Variants in RYR2 observed in about 807,000 individuals in gnomAD.
RYR2 encodes the protein cardiac muscle ryanodine receptor-calcium release channel.
A neutral mutation model predicts 601.1 loss-of-function variants in RYR2; 227 were observed. The observed-to-expected ratio is 0.38, with a 90% CI of 0.34 to 0.42. The LOEUF (loss-of-function observed/expected upper bound fraction) is 0.42. Among genes scored for constraint, RYR2 ranks in the 10% least tolerant of loss-of-function variants. RYR2 has a pLI of 1.00. For synonymous variants in RYR2, 2,223 were observed against 2,175.1 expected (o/e 1.02, Z -0.61); for missense variants, 4,646 against 6,156.5 (o/e 0.75, Z 8.21).
At chr1:237,472,502 A>C (rs1259584948) in intron 17 of RYR2, among the ~76,000 whole-genome samples, 1 of 152,224 alleles carries the variant, frequency 6.6e-6, no homozygotes, top group Non-Finnish European at 1.5e-5. Flanking sequence ...ATTGCCTTAA[A>C]AAACAACATT....
intron 9 of RYR2, 67 bp from the exon 10 acceptor site, chr1:237,388,020 A>G: frequency 1.4e-6 from 2 of 1,393,332 alleles, no homozygotes; most frequent in South Asian, 1.2e-5. Context: ...ATTGGACCAG[A>G]TGATCTGTCT....
At chr1:237,136,404 G>A (rs1320327472) in intron 1 of RYR2, among the ~76,000 whole-genome samples, 1 of 152,156 alleles carries the variant, frequency 6.6e-6, no homozygotes, top group African/African-American at 2.4e-5. Flanking sequence ...AGGTATGCAT[G>A]CTATGCAGGG....
intron 28 of RYR2, among the ~76,000 whole-genome samples, chr1:237,567,978 G>T (rs1405717109): frequency 1.4e-5 from 2 of 146,538 alleles, no homozygotes; most frequent in Admixed American, 1.4e-4. Context: ...GGGTTGGGGG[G>T]CGGTCAAAAT....
At chr1:237,705,145 A>C in intron 66 of RYR2, 68 bp from the exon 67 acceptor site, 1 of 1,387,026 alleles carries the variant, frequency 7.2e-7, no homozygotes, top group Non-Finnish European at 1.0e-6. Context: ...TAAATTTGCT[A>C]ATTGTAATAT....
chr1:237,309,159 CAG>C (rs1009514800), intron 2 of RYR2, among the ~76,000 whole-genome samples: 1 of 147,422 alleles, frequency 6.8e-6, no homozygotes, highest in African/African-American at 2.5e-5. Flanking sequence ...TAGCTAGACA[CAG>C]AGCACTGATT....
intron 1 of RYR2, among the ~76,000 whole-genome samples, chr1:237,053,217 TC>T: frequency 6.6e-6 from 1 of 152,322 alleles, no homozygotes; most frequent in East Asian, 1.9e-4. Context: ...ATGACATGTT[TC>T]CAAGGCCAAT....
intron 1 of RYR2, among the ~76,000 whole-genome samples, chr1:237,190,843 A>G (rs1477527402): frequency 6.6e-6 from 1 of 152,152 alleles, no homozygotes; most frequent in Non-Finnish European, 1.5e-5. Context: ...AGATTTGCAA[A>G]TATTTTCCCC....
intron 25 of RYR2, among the ~76,000 whole-genome samples, chr1:237,534,837 AT>A (rs1668442130): frequency 6.6e-6 from 1 of 151,820 alleles, no homozygotes. Flanking sequence ...CATTTATTTT[AT>A]TTTTTAGGTT....
intron 1 of RYR2, among the ~76,000 whole-genome samples, chr1:237,214,710 G>T (rs1682974669): frequency 6.6e-6 from 1 of 152,080 alleles, no homozygotes; most frequent in African/African-American, 2.4e-5. Context: ...CATAACTTTA[G>T]ATTTCATTTT....
intron 24 of RYR2, among the ~76,000 whole-genome samples, chr1:237,517,773 A>G (rs1013463498): frequency 3.3e-5 from 5 of 152,182 alleles, no homozygotes; most frequent in South Asian, 2.1e-4. Context: ...ATAACAATTG[A>G]TAAACCTACA....
chr1:237,566,103 A>G (rs1162696219), intron 27 of RYR2, among the ~76,000 whole-genome samples: 3 of 152,122 alleles, frequency 2.0e-5, no homozygotes, highest in Admixed American at 6.6e-5. Context: ...ACTGTTTACA[A>G]CTTTCCCTTA....
intron 10 of RYR2, among the ~76,000 whole-genome samples, chr1:237,396,843 T>C (rs1337482910): frequency 6.6e-6 from 1 of 151,884 alleles, no homozygotes; most frequent in East Asian, 1.9e-4. Context: ...TCCAAATAGA[T>C]CACAGACTTA....
At chr1:237,279,835 C>A (rs897249147) in intron 2 of RYR2, among the ~76,000 whole-genome samples, 2 of 152,188 alleles carry the variant, frequency 1.3e-5, no homozygotes, top group African/African-American at 4.8e-5. Context: ...TATTCATCAT[C>A]GTGGACTCTG....
chr1:237,376,571 T>C (rs1444179496), intron 7 of RYR2, among the ~76,000 whole-genome samples: 1 of 152,172 alleles, frequency 6.6e-6, no homozygotes, highest in Non-Finnish European at 1.5e-5. Flanking sequence ...GCATTTAGGT[T>C]TTCAAAGGTA....
Position 237,566,699 on chromosome 1 carries a change from G to T in RYR2, c.3347G>T (p.Gly1116Val). ...ETVTAGDMRV[G>V]WSRPGCQPDQ... ...GTCACTGCTGGAGACATGAGGGTTG[G>T]TTGGAGTCGTCCTGGTTGTCAACCG... The change falls in exon 28 of 105, where the codon GGT (glycine) becomes GTT (valine). Residue 1116 changes from glycine (G) to valine (V), a missense_variant. Coordinates refer to ENST00000366574, the MANE Select transcript of RYR2 (RefSeq NM_001035.3). 6.2e-7 allele frequency: 1 copy of T among 1,613,970 alleles called. No individual in the cohort carries two copies. The highest frequency in any genetic ancestry group is 8.5e-7 in the Non-Finnish European group (1 of 1,179,874).
chr1:237,048,332 C>T (rs970165332), intron 1 of RYR2, among the ~76,000 whole-genome samples: 23 of 152,174 alleles, frequency 1.5e-4, no homozygotes, highest in Non-Finnish European at 3.1e-4. Flanking sequence ...CATAGCCCAT[C>T]GTGTTTCTCT....
At chr1:237,805,550 C>T (rs1177499905) in intron 98 of RYR2, among the ~76,000 whole-genome samples, 1 of 128,022 alleles carries the variant, frequency 7.8e-6, no homozygotes, top group Admixed American at 9.4e-5. Context: ...CACTGCACTC[C>T]AGCCTGGGCG....
At chr1:237,117,903 C>T (rs1670316983) in intron 1 of RYR2, among the ~76,000 whole-genome samples, 1 of 152,092 alleles carries the variant, frequency 6.6e-6, no homozygotes, top group Non-Finnish European at 1.5e-5. Context: ...CACCACCACG[C>T]CTCACTAATT....
At chr1:237,265,425 G>A (rs1688965352) in intron 1 of RYR2, among the ~76,000 whole-genome samples, 2 of 151,974 alleles carry the variant, frequency 1.3e-5, no homozygotes, top group Non-Finnish European at 2.9e-5. Flanking sequence ...GGGTTCAAGA[G>A]ATTCTCCTGC....
Sources: allele counts gnomAD v4.1 joint callset (sites outside exome capture counted in the v4.1 genomes callset), GRCh38; gene constraint gnomAD v4.1.1; transcripts MANE v1.5; gene names NCBI Gene and HGNC (gene_info 2026-07-23, HGNC 2026-07-21).